TRMO: variants seen among roughly 807,000 people sequenced by gnomAD.
TRMO encodes the protein tRNA (adenine(37)-N6)-methyltransferase.
In TRMO, 30 loss-of-function variants were observed where a neutral mutation model predicts 37.2. That is an observed-to-expected ratio of 0.81 (90% CI 0.60 to 1.09). The LOEUF (loss-of-function observed/expected upper bound fraction) is 1.09, where lower values mean the gene tolerates loss of function less well. Ranked by LOEUF, TRMO falls within the 50% of genes least tolerant of loss-of-function variation. TRMO has a pLI of 0.00. For missense variants in TRMO, 552 were observed against 549.5 expected (o/e 1.00, Z -0.05); for synonymous variants, 239 against 199.4 (o/e 1.20, Z -1.67).
At chr9:97,912,339 T>C (rs916166092) in intron 3 of TRMO, 1 of 152,630 alleles carries the variant, frequency 6.6e-6, no homozygotes, top group Non-Finnish European at 1.5e-5. Context: ...ATCTGATTTG[T>C]TTATCACTAT....
Position 97,916,191 on chromosome 9 carries a change from A to C in TRMO, c.224T>G (p.Met75Arg). 2 of 1,611,840 alleles carry C rather than the reference A, an allele frequency of 1.2e-6. No individual in the cohort carries two copies. The highest frequency in any genetic ancestry group is 8.5e-7 in the Non-Finnish European group (1 of 1,179,180). Residue 75 changes from methionine (M) to arginine (R), a missense_variant, in exon 2 of 5, where the codon ATG (methionine) becomes AGG (arginine). Coordinates refer to ENST00000375119, the MANE Select transcript of TRMO (RefSeq NM_016481.5). ...RIFNNPEHSL[M>R]GLEQFSHVWI... is the part of the protein sequence containing the mutation. ...AACATGAGAAAACTGTTCTAGGCCC[A>C]TCAAGGAATGTTCAGGATTATTAAA...
rs1442929924 is a variant in TRMO, at chr9:97,904,783, G to T, written c.1276C>A (p.Pro426Thr). Residue 426 changes from proline (P) to threonine (T), a missense_variant, in exon 5 of 5, where the codon CCT becomes ACT. Pro to Thr is a conservative substitution (Grantham distance 38). Transcript: ENST00000375119. ...EVLRIKPASE[P>T]VHMTGPVGSL... ...CCCACAGGGCCAGTCATATGAACAGGCTCAGAAGCCGGCTTGATCCTCAGC... is the reference window on the plus strand; with the variant it reads ...CCCACAGGGCCAGTCATATGAACAGTCTCAGAAGCCGGCTTGATCCTCAGC... The T allele has an allele frequency of 6.2e-7, 1 of 1,613,980 alleles. No homozygotes were observed. The highest frequency in any genetic ancestry group is 1.3e-5 in the African/African-American group (1 of 74,888).
At chr9:97,899,684 G>A (rs1367548710), downstream of TRMO, among the ~76,000 whole-genome samples, 2 of 152,088 alleles carry the variant, frequency 1.3e-5, no homozygotes, top group African/African-American at 2.4e-5. Flanking sequence ...CCAGGAGTTC[G>A]GTACCAGCCT....
downstream of TRMO, among the ~76,000 whole-genome samples, chr9:97,901,131 T>C (rs890141656): frequency 2.0e-5 from 3 of 152,256 alleles, no homozygotes; most frequent in Admixed American, 2.0e-4. Flanking sequence ...CTTGAACTCC[T>C]GGTGTTTTCC....
intron 3 of TRMO, chr9:97,911,676 A>T (rs755315411): frequency 1.8e-4 from 28 of 152,212 alleles, no homozygotes; most frequent in Non-Finnish European, 4.1e-4. Context: ...AATCTAATAC[A>T]TCCATCAAGA....
At chr9:97,901,348 A>G (rs1034991307), downstream of TRMO, among the ~76,000 whole-genome samples, 1 of 152,240 alleles carries the variant, frequency 6.6e-6, no homozygotes, top group African/African-American at 2.4e-5. Flanking sequence ...AAAGAGTCTT[A>G]AAAATCTAAA....
chr9:97,906,551 T>C, intron 4 of TRMO, among the ~76,000 whole-genome samples: 1 of 152,266 alleles, frequency 6.6e-6, no homozygotes, highest in Non-Finnish European at 1.5e-5. Context: ...GCAACAGCTC[T>C]GAATTTTGCT....
chr9:97,904,325 AT>A (rs1305962675), downstream of TRMO, among the ~76,000 whole-genome samples: 1 of 152,114 alleles, frequency 6.6e-6, no homozygotes, highest in African/African-American at 2.4e-5. Context: ...TATAGGTTTG[AT>A]TTGGAATCAA....
intron 1 of TRMO, among the ~76,000 whole-genome samples, chr9:97,917,584 G>A (rs1826428509): frequency 6.6e-6 from 1 of 152,114 alleles, no homozygotes; most frequent in South Asian, 2.1e-4. Flanking sequence ...TCCCACTTAT[G>A]GAAATTTGTT....
chr9:97,898,187 C>A, the TRMO span, among the ~76,000 whole-genome samples: 1 of 152,228 alleles, frequency 6.6e-6, no homozygotes, highest in African/African-American at 2.4e-5. Flanking sequence ...CCTCCATTTG[C>A]TGTTCACAGC....
intron 3 of TRMO, chr9:97,912,726 G>A (rs1458751950): frequency 2.9e-6 from 1 of 350,104 alleles, no homozygotes; most frequent in African/African-American, 2.1e-5. Context: ...AGCCTGGAAT[G>A]GTCTCTTGAC....
chr9:97,916,463 T>C, intron 1 of TRMO, 125 bp from the exon 2 acceptor site: 1 of 661,422 alleles, frequency 1.5e-6, no homozygotes, highest in Non-Finnish European at 2.6e-6. Flanking sequence ...ACTATAAAAA[T>C]GATTTTTATA....
chr9:97,905,997 TAC>T (rs1587828769), intron 4 of TRMO, among the ~76,000 whole-genome samples: 1 of 151,868 alleles, frequency 6.6e-6, no homozygotes, highest in Admixed American at 6.6e-5. Flanking sequence ...CTACTAAAAA[TAC>T]ACACACACAA....
At chr9:97,906,908 T>C (rs1825880691) in intron 4 of TRMO, among the ~76,000 whole-genome samples, 1 of 151,706 alleles carries the variant, frequency 6.6e-6, no homozygotes, top group Non-Finnish European at 1.5e-5. Context: ...CCATAGTAGT[T>C]TGCATTAGAC....
At chr9:97,911,606 A>T (rs532710311) in intron 3 of TRMO, 135 of 152,334 alleles carry the variant, frequency 8.9e-4, no homozygotes, top group African/African-American at 3.1e-3. Context: ...TTTCAAACAC[A>T]TAATACATGT....
chr9:97,916,114 G>C (rs754401670), intron 2 of TRMO, 50 bp downstream of exon 2: 27 of 1,409,876 alleles, frequency 1.9e-5, no homozygotes, highest in Non-Finnish European at 2.6e-5. Context: ...TACTTTATTC[G>C]GGGGCAAGTT....
Position 97,922,407 on chromosome 9 carries a change from T to G in TRMO, c.76+11A>C. 6.4e-7 allele frequency: 1 copy of G among 1,557,818 alleles called. No individual in the cohort carries two copies. Among genetic ancestry groups the G allele is most frequent in the Non-Finnish European group, 8.7e-7 (1 of 1,144,858 alleles). ...TCTCCAGAGTGTGGCACCGCCGGTG[T>G]TGGAAGTTACCTGTCTCCAGAGCCG... On this transcript the variant is annotated intron_variant, in intron 1 of 4. Coordinates refer to ENST00000375119, the MANE Select transcript of TRMO (RefSeq NM_016481.5).
chr9:97,913,653 A>C, intron 2 of TRMO, 95 bp from the exon 3 acceptor site: 1 of 777,808 alleles, frequency 1.3e-6, no homozygotes, highest in Non-Finnish European at 2.1e-6. Context: ...GCAATCTCCC[A>C]CAAATTAACA....
chr9:97,922,060 A>C (rs1020590268), intron 1 of TRMO, among the ~76,000 whole-genome samples: 1 of 152,016 alleles, frequency 6.6e-6, no homozygotes, highest in African/African-American at 2.4e-5. Flanking sequence ...ACAGCGCAGG[A>C]TGCCTCTCTA....
Sources: allele counts gnomAD v4.1 joint callset (sites outside exome capture counted in the v4.1 genomes callset), GRCh38; gene constraint gnomAD v4.1.1; transcripts MANE v1.5; gene names NCBI Gene and HGNC (gene_info 2026-07-23, HGNC 2026-07-21).